Variants in ATP2B2 observed in about 807,000 individuals in gnomAD.
The protein encoded by ATP2B2 is plasma membrane calcium-transporting ATPase 2.
ATP2B2 carries 15 observed loss-of-function variants against 120.0 expected under a neutral mutation model. The ratio of observed to expected loss-of-function variants is 0.12; its 90% CI spans 0.08 to 0.19. The LOEUF (loss-of-function observed/expected upper bound fraction) is 0.19, where lower values mean the gene tolerates loss of function less well. Among genes scored for constraint, ATP2B2 ranks in the 10% least tolerant of loss-of-function variants. ATP2B2 has a pLI of 1.00. For missense variants in ATP2B2, 1,045 were observed against 1,719.8 expected (o/e 0.61, Z 6.94); for synonymous variants, 694 against 700.3 (o/e 0.99, Z 0.14).
intron 2 of ATP2B2, among the ~76,000 whole-genome samples, chr3:10,432,517 C>T (rs777129605): frequency 2.0e-5 from 3 of 152,232 alleles, no homozygotes; most frequent in South Asian, 2.1e-4. Flanking sequence ...GGCCTGGCCT[C>T]GCATTAACTG....
intron 12 of ATP2B2, among the ~76,000 whole-genome samples, chr3:10,360,604 C>A (rs376978861): frequency 6.6e-6 from 1 of 152,060 alleles, no homozygotes; most frequent in Non-Finnish European, 1.5e-5. Context: ...CTGTTAATTC[C>A]GAGATAATTG....
In ATP2B2 at chr3:10,378,209, C is replaced by A. The variant is rs767153963; in HGVS notation, c.1201+43G>T. 16 of 1,591,254 alleles carry A rather than the reference C, an allele frequency of 1.0e-5. No individual in the cohort carries two copies. The East Asian group carries it at 3.4e-4, about 33-fold the overall frequency. ...ATGGGGCAGGGCTCTGCCTGGGGTC[C>A]CCCTGTGAGCCCTGTCCCCTGCCTC... On this transcript the variant is annotated intron_variant, in intron 10 of 22. Coordinates refer to ENST00000360273, the MANE Select transcript of ATP2B2 (RefSeq NM_001001331.4).
intron 1 of ATP2B2, among the ~76,000 whole-genome samples, chr3:10,675,872 T>A (rs1039782461): frequency 6.6e-6 from 1 of 152,170 alleles, no homozygotes; most frequent in South Asian, 2.1e-4. Flanking sequence ...CAATCTCCTA[T>A]TCATCTTCCA....
intron 1 of ATP2B2, among the ~76,000 whole-genome samples, chr3:10,621,782 C>A (rs2069557193): frequency 6.6e-6 from 1 of 152,240 alleles, no homozygotes; most frequent in African/African-American, 2.4e-5. Context: ...ATTACTCCCA[C>A]ATTACAGATG....
chr3:10,530,133 G>T (rs1394752293), intron 3 of ATP2B2, among the ~76,000 whole-genome samples: 1 of 152,182 alleles, frequency 6.6e-6, no homozygotes, highest in African/African-American at 2.4e-5. Context: ...TGCTCAGGTG[G>T]CTGAGAGCGA....
chr3:10,368,772 C>T (rs1464996833), intron 12 of ATP2B2, among the ~76,000 whole-genome samples: 1 of 151,998 alleles, frequency 6.6e-6, no homozygotes, highest in African/African-American at 2.4e-5. Context: ...TCCATCAATC[C>T]ATCCATCCAC....
At chr3:10,386,629 G>A (rs2061689537) in intron 6 of ATP2B2, 117 bp from the exon 7 acceptor site, 1 of 1,155,384 alleles carries the variant, frequency 8.7e-7, no homozygotes, top group Non-Finnish European at 1.3e-6. Context: ...ATACACCTAG[G>A]GTCATCCTGA....
chr3:10,694,647 T>C (rs1391754968), intron 1 of ATP2B2, among the ~76,000 whole-genome samples: 1 of 152,218 alleles, frequency 6.6e-6, no homozygotes, highest in Non-Finnish European at 1.5e-5. Flanking sequence ...CTATTTCTTC[T>C]CCATTCTCAC....
intron 1 of ATP2B2, among the ~76,000 whole-genome samples, chr3:10,670,909 G>T (rs1174895027): frequency 6.6e-6 from 1 of 152,220 alleles, no homozygotes; most frequent in Non-Finnish European, 1.5e-5. Context: ...GCCATATGAG[G>T]TGGTGACTTC....
At chr3:10,424,657 G>A (rs1002401464) in intron 2 of ATP2B2, among the ~76,000 whole-genome samples, 1 of 152,204 alleles carries the variant, frequency 6.6e-6, no homozygotes, top group Non-Finnish European at 1.5e-5. Flanking sequence ...TTTGGAAAGC[G>A]AGTGGGCTAA....
At position 10,345,552 on chromosome 3, in the gene ATP2B2, G is replaced by A; in HGVS notation, c.2535C>T (p.Ala845=). 2.5e-6 allele frequency: 4 copies of A among 1,614,200 alleles called. No individual in the cohort carries two copies. The highest frequency in any genetic ancestry group is 1.3e-5 in the African/African-American group (1 of 75,062). ...FAMGIAGTDV[A]KEASDIILTD... The stretch of plus-strand genomic sequence containing the variant: ...TCAGGATGATGTCTGAGGCCTCCTT[G>A]GCCACGTCAGTGCCTGCGATGCCCT... The change falls in exon 18 of 23, where the codon GCC becomes GCT. Residue 845 remains alanine, a synonymous_variant. Transcript: ENST00000360273.
intron 1 of ATP2B2, among the ~76,000 whole-genome samples, chr3:10,633,842 C>T (rs770335945): frequency 2.6e-5 from 4 of 152,202 alleles, no homozygotes; most frequent in Non-Finnish European, 5.9e-5. Flanking sequence ...TTATTCTCCT[C>T]CCCATTCTCC....
At chr3:10,697,130 T>A (rs1454579958) in intron 1 of ATP2B2, among the ~76,000 whole-genome samples, 1 of 152,140 alleles carries the variant, frequency 6.6e-6, no homozygotes, top group Middle Eastern at 3.2e-3. Context: ...CCACCCTGAA[T>A]CCTATTACAA....
chr3:10,339,450 AGGCCCTGAGTTGGTTCTG>A (rs1202086515), intron 21 of ATP2B2, among the ~76,000 whole-genome samples: 6 of 152,208 alleles, frequency 3.9e-5, no homozygotes, highest in Non-Finnish European at 8.8e-5. Context: ...CAGGCCCCTT[AGGCCCTGAGTTGGTTCTG>A]GGCCCTCCTC....
At chr3:10,488,463 ATTCCTTCCTTCC>A (rs1257729803) in intron 1 of ATP2B2, among the ~76,000 whole-genome samples, 1,485 of 95,790 alleles carry the variant, frequency 0.016, 31 homozygotes, top group African/African-American at 0.049. Context: ...CACCCTACAA[ATTCCTTCCTTCC>A]TTCCTTCCTT....
intron 2 of ATP2B2, among the ~76,000 whole-genome samples, chr3:10,586,424 G>A (rs929928835): frequency 6.6e-6 from 1 of 152,220 alleles, no homozygotes; most frequent in African/African-American, 2.4e-5. Context: ...TTTTGCAGAT[G>A]AGCAAACTGA....
chr3:10,578,625 A>G (rs759883329), intron 2 of ATP2B2, among the ~76,000 whole-genome samples: 2 of 152,178 alleles, frequency 1.3e-5, no homozygotes, highest in African/African-American at 2.4e-5. Context: ...ATAGAGACTT[A>G]ATTCACTATA....
chr3:10,668,353 C>T (rs1428660123), intron 1 of ATP2B2, among the ~76,000 whole-genome samples: 4 of 152,210 alleles, frequency 2.6e-5, no homozygotes, highest in Non-Finnish European at 4.4e-5. Context: ...ATCTAACTCC[C>T]GAATCATGCC....
At chr3:10,640,314 G>A (rs2070138109) in intron 1 of ATP2B2, among the ~76,000 whole-genome samples, 1 of 152,160 alleles carries the variant, frequency 6.6e-6, no homozygotes, top group Non-Finnish European at 1.5e-5. Flanking sequence ...GTTTCCAGGG[G>A]ACAGACAGAC....
Sources: gnomAD v4.1 joint callset for allele counts (sites outside exome capture counted in the v4.1 genomes callset) on GRCh38, gnomAD v4.1.1 for gene constraint, MANE v1.5 for transcripts, NCBI Gene and HGNC (gene_info 2026-07-23, HGNC 2026-07-21) for gene names.